Variants in FHIT observed in about 807,000 individuals in gnomAD.
The protein encoded by FHIT is fragile histidine triad diadenosine triphosphatase.
In FHIT, 19 loss-of-function variants were observed where a neutral mutation model predicts 17.9. The ratio of observed to expected loss-of-function variants is 1.06; its 90% confidence interval spans 0.74 to 1.56. FHIT has a LOEUF of 1.56. Ranked by LOEUF, FHIT falls within the 40% of genes most tolerant of loss-of-function variation. FHIT has a pLI of 0.00. For missense variants in FHIT, 248 were observed against 189.2 expected (o/e 1.31, Z -1.82); for synonymous variants, 81 against 69.7 (o/e 1.16, Z -0.81).
chr3:59,809,575 T>C (rs752654683), intron 8 of FHIT, among the ~76,000 whole-genome samples: 4 of 152,352 alleles, frequency 2.6e-5, no homozygotes, highest in Non-Finnish European at 5.9e-5. Flanking sequence ...ATTTGAAACA[T>C]GGAAAAGGCT....
chr3:61,242,478 C>T (rs934603396), intron 1 of FHIT, among the ~76,000 whole-genome samples: 2 of 152,236 alleles, frequency 1.3e-5, no homozygotes, highest in South Asian at 2.1e-4. Flanking sequence ...GTCATTTTTT[C>T]ACAGTTTATC....
At chr3:60,302,519 C>G (rs1708494975) in intron 5 of FHIT, among the ~76,000 whole-genome samples, 2 of 152,116 alleles carry the variant, frequency 1.3e-5, no homozygotes, top group Non-Finnish European at 2.9e-5. Flanking sequence ...GCCTCTAATG[C>G]AATTTAGTGA....
chr3:60,372,847 T>G (rs1417314326), intron 5 of FHIT, among the ~76,000 whole-genome samples: 1 of 152,148 alleles, frequency 6.6e-6, no homozygotes, highest in Admixed American at 6.5e-5. Flanking sequence ...TAAAGTTTCT[T>G]TTGATATTGA....
chr3:60,644,984 T>C (rs943739593), intron 4 of FHIT, among the ~76,000 whole-genome samples: 1 of 152,118 alleles, frequency 6.6e-6, no homozygotes, highest in African/African-American at 2.4e-5. Context: ...ACTTTCTCTT[T>C]TGATAAGCTT....
chr3:59,978,126 G>T (rs984028201), intron 7 of FHIT, among the ~76,000 whole-genome samples: 4 of 152,058 alleles, frequency 2.6e-5, no homozygotes, highest in Non-Finnish European at 5.9e-5. Flanking sequence ...TCAGTTTAAA[G>T]AAATTAGCAA....
At chr3:60,115,050 C>CAG (rs1704893972) in intron 5 of FHIT, among the ~76,000 whole-genome samples, 1 of 151,794 alleles carries the variant, frequency 6.6e-6, no homozygotes, top group Non-Finnish European at 1.5e-5. Context: ...TAATCACATG[C>CAG]TTATTAATAA....
chr3:60,057,388 C>T (rs1174365885), intron 5 of FHIT, among the ~76,000 whole-genome samples: 1 of 152,192 alleles, frequency 6.6e-6, no homozygotes, highest in Non-Finnish European at 1.5e-5. Context: ...CCATGCCTCT[C>T]TGCTTAGAGG....
At chr3:60,189,167 T>C (rs549249779) in intron 5 of FHIT, among the ~76,000 whole-genome samples, 16 of 151,908 alleles carry the variant, frequency 1.1e-4, no homozygotes, top group African/African-American at 3.4e-4. Context: ...CAGTCTGACC[T>C]TTTTTCTCTG....
chr3:61,023,499 T>A (rs1472731893), intron 3 of FHIT, among the ~76,000 whole-genome samples: 1 of 152,116 alleles, frequency 6.6e-6, no homozygotes, highest in African/African-American at 2.4e-5. Flanking sequence ...TACTTCAAAC[T>A]TCAAATGAAA....
chr3:60,073,055 C>A (rs558728098), intron 5 of FHIT, among the ~76,000 whole-genome samples: 1 of 152,188 alleles, frequency 6.6e-6, no homozygotes, highest in Non-Finnish European at 1.5e-5. Context: ...AAGTTTGAAA[C>A]TAGGTCTTCT....
At chr3:60,214,052 G>T (rs1027339295) in intron 5 of FHIT, among the ~76,000 whole-genome samples, 6 of 152,128 alleles carry the variant, frequency 3.9e-5, no homozygotes, top group African/African-American at 1.4e-4. Flanking sequence ...AGGTTCAGAG[G>T]GTGGTCGTGA....
chr3:60,463,064 T>C (rs1292384374), intron 5 of FHIT, among the ~76,000 whole-genome samples: 1 of 152,194 alleles, frequency 6.6e-6, no homozygotes, highest in Non-Finnish European at 1.5e-5. Context: ...GGCTTTAGCA[T>C]GGCAAGGGAA....
chr3:60,470,058 T>TTCTTTCTTTCTCTCTCTCTCTCTC lies in FHIT; in HGVS notation c.103+66801_103+66802insGAGAGAGAGAGAGAGAAAGAAAGA, dbSNP rs1323971036. Among the ~76,000 whole-genome samples, 94 of 143,030 alleles carry TTCTTTCTTTCTCTCTCTCTCTCTC rather than the reference T, an allele frequency of 6.6e-4. 1 individual carries two copies. Among genetic ancestry groups the TTCTTTCTTTCTCTCTCTCTCTCTC allele is most frequent in the African/African-American group, 2.0e-3 (74 of 37,110 alleles). The allele number at this position is 143,030 out of a possible 152,430, so 93.8% of individuals were successfully genotyped here. On this transcript the variant is annotated intron_variant, in intron 5 of 9. Coordinates refer to ENST00000492590, the MANE Select transcript of FHIT (RefSeq NM_002012.4). ...TCTCTCCCCTCTCCTCTCTCTTTCT[T>TTCTTTCTTTCTCTCTCTCTCTCTC]TCTCTCTCTCTCTCTCTCTCTCCAG...
intron 2 of FHIT, among the ~76,000 whole-genome samples, chr3:61,078,693 C>A (rs2035042019): frequency 6.6e-6 from 1 of 152,136 alleles, no homozygotes; most frequent in African/African-American, 2.4e-5. Flanking sequence ...AGCTGAATTG[C>A]AAGTGCCACA....
At chr3:60,458,177 C>G (rs1454658805) in intron 5 of FHIT, among the ~76,000 whole-genome samples, 2 of 152,118 alleles carry the variant, frequency 1.3e-5, no homozygotes, top group African/African-American at 2.4e-5. Context: ...AGACTTGGAA[C>G]CAACCCAAAT....
At chr3:60,150,595 T>C (rs1028069030) in intron 5 of FHIT, among the ~76,000 whole-genome samples, 2 of 152,208 alleles carry the variant, frequency 1.3e-5, no homozygotes, top group Non-Finnish European at 2.9e-5. Context: ...TCGCTGAGAC[T>C]ATAGGTGTGC....
intron 5 of FHIT, among the ~76,000 whole-genome samples, chr3:60,402,382 T>A (rs1054913861): frequency 1.3e-5 from 2 of 152,220 alleles, no homozygotes; most frequent in Non-Finnish European, 2.9e-5. Context: ...TGGCCCCCAC[T>A]AATTTTCCCA....
At chr3:60,442,733 T>C (rs1428278155) in intron 5 of FHIT, among the ~76,000 whole-genome samples, 1 of 152,210 alleles carries the variant, frequency 6.6e-6, no homozygotes, top group Non-Finnish European at 1.5e-5. Flanking sequence ...TTCTTTTGGC[T>C]CAGGATTGAC....
rs550475399 is a variant in FHIT at position 60,864,282 on chromosome 3, A to G, written c.-110-42271T>C. ...GCCAAACCATAGCAGAGACAGACCC[A>G]TGATTCATACCATCTTGCAGATTAA... On this transcript the variant is annotated intron_variant, in intron 3 of 9. Coordinates refer to ENST00000492590, the MANE Select transcript of FHIT (RefSeq NM_002012.4). Among the ~76,000 whole-genome samples the G allele has an allele frequency of 6.7e-4, 102 of 152,274 alleles. 1 individual carries two copies. The highest frequency in any genetic ancestry group is 1.9e-3 in the Admixed American group (29 of 15,284).
Sources: gnomAD v4.1 joint callset for allele counts (sites outside exome capture counted in the v4.1 genomes callset) on GRCh38, gnomAD v4.1.1 for gene constraint, MANE v1.5 for transcripts, NCBI Gene and HGNC (gene_info 2026-07-23, HGNC 2026-07-21) for gene names.